The following ADCY6 variants were observed in gnomAD, a reference collection of about 807,000 sequenced individuals.
The protein encoded by ADCY6 is adenylate cyclase 6, also known as adenylate cyclase type 6.
In ADCY6, 59 loss-of-function variants were observed where a neutral mutation model predicts 111.6. The ratio of observed to expected loss-of-function variants is 0.53; its 90% CI spans 0.43 to 0.66. ADCY6 has a LOEUF of 0.66. Among genes scored for constraint, ADCY6 ranks in the 30% least tolerant of loss-of-function variants. The probability of loss-of-function intolerance (pLI) is 0.00; values close to 1 mark genes in which losing one functional copy is unlikely to be tolerated. For synonymous variants in ADCY6, 576 were observed against 642.9 expected (o/e 0.90, Z 1.57); for missense variants, 1,242 against 1,595.6 (o/e 0.78, Z 3.78).
chr12:48,774,474 G>A lies in ADCY6; in HGVS notation c.2211C>T (p.Arg737=). 6.2e-7 allele frequency: 1 copy of A among 1,614,048 alleles called. No homozygotes were observed. The highest frequency in any genetic ancestry group is 1.1e-5 in the South Asian group (1 of 91,078). ...ALQRLSRSIV[R]SRAHSTAVGI... Reference sequence around the variant, plus strand: ...CAACTGCGGTGCTATGTGCCCGTGAGCGGACAATGCTGCGGGACAGACGTT... The same window carrying A: ...CAACTGCGGTGCTATGTGCCCGTGAACGGACAATGCTGCGGGACAGACGTT... The change falls in exon 14 of 22, where the codon CGC becomes CGT. Residue 737 remains arginine (R), a synonymous_variant. Coordinates refer to ENST00000357869, the MANE Select transcript of ADCY6 (RefSeq NM_015270.5).
intron 18 of ADCY6, 112 bp downstream of exon 18, chr12:48,772,183 G>T: frequency 3.4e-6 from 5 of 1,468,812 alleles, no homozygotes; most frequent in Non-Finnish European, 4.5e-6. Flanking sequence ...TGGAACCAGG[G>T]TGGGCCTAGG....
chr12:48,777,398 C>A lies in ADCY6; in HGVS notation c.1248+12G>T, dbSNP rs202241866. On this transcript the variant is annotated intron_variant, in intron 5 of 21. Transcript: ENST00000357869. The surrounding 1 kb of genome is among the most constrained non-coding windows in gnomAD (Gnocchi z 4.9). Reference sequence around the variant, plus strand: ...AACACCCAGGCCCAATCCCAAGGCCCAGCACCCTCACCGCAGCCAGCTTGT... The same window carrying A: ...AACACCCAGGCCCAATCCCAAGGCCAAGCACCCTCACCGCAGCCAGCTTGT... 6.2e-7 allele frequency: 1 copy of A among 1,613,872 alleles called. No homozygotes were observed. Among genetic ancestry groups the A allele is most frequent in the African/African-American group, 1.3e-5 (1 of 75,050 alleles).
In ADCY6 at chr12:48,778,536, C is replaced by T. The variant is rs117201145; in HGVS notation, c.865-279G>A. On this transcript the variant is annotated intron_variant, in intron 2 of 21. Transcript: ENST00000357869. ...AACTAGGGCCAGATAAGTCATGGGG[C>T]CCAGCCCCAGCACCCTGTATCTCCT... is the stretch of plus-strand genomic sequence containing the variant. The T allele has an allele frequency of 0.048, 21,105 of 437,060 alleles. 591 individuals are homozygous for T. Among genetic ancestry groups the T allele is most frequent in the Non-Finnish European group, 0.061 (14,406 of 237,042 alleles). 27.1% of individuals were successfully genotyped at this position (437,060 alleles called of 1,614,324 possible).
Position 48,776,955 on chromosome 12 carries a change from T to C in ADCY6, c.1376+149A>G. 1 of 1,284,266 alleles carries C rather than the reference T, an allele frequency of 7.8e-7. No individual in the cohort carries two copies. Among genetic ancestry groups the C allele is most frequent in the Non-Finnish European group, 1.1e-6 (1 of 939,884 alleles). The allele number at this position is 1,284,266 out of a possible 1,614,324, so 79.6% of individuals were successfully genotyped here. A position where few individuals can be genotyped will look rare whatever the true frequency, so the allele number is the denominator to read the frequency against. On this transcript the variant is annotated intron_variant, in intron 6 of 21. Transcript: ENST00000357869. The surrounding 1 kb of genome is among the most constrained non-coding windows in gnomAD (Gnocchi z 6.1). ...GGGTCCGCATGGGTCTTTGCACAGG[T>C]TGGAGAAAGATTCCCCTTCCCAGTG...
intron 1 of ADCY6, among the ~76,000 whole-genome samples, chr12:48,784,667 T>A (rs1273276345): frequency 8.0e-6 from 1 of 125,140 alleles, no homozygotes; most frequent in Non-Finnish European, 1.7e-5. Flanking sequence ...AATCTGGAGT[T>A]TTTTTTTTTT....
intron 1 of ADCY6, among the ~76,000 whole-genome samples, chr12:48,788,531 C>T (rs946449714): frequency 3.3e-5 from 5 of 152,142 alleles, no homozygotes; most frequent in African/African-American, 9.6e-5. Context: ...CAGGCCGGTT[C>T]CTCTCCCCTA....
rs574902388 is a variant in ADCY6, at chr12:48,783,202, T to G, written c.233A>C (p.Lys78Thr). Residue 78 changes from lysine to threonine, a missense_variant, in exon 2 of 22, where the codon AAG (lysine) becomes ACG (threonine). Physicochemically the swap from Lys to Thr is moderately conservative, Grantham distance 78 (BLOSUM62 -1). This residue lies in a region of ADCY6 where 362 missense variants were observed against 377.2 expected (regional missense o/e 0.96). Transcript: ENST00000357869. ...TGCCCGCAGCCCCAGCTCCTTGCCC[T>G]TGCCTGGGCCGCCCCTCCGGATGAA... ...DAFIRRGGPG[K>T]GKELGLRAVA... 99 of 1,607,128 alleles carry G rather than the reference T, an allele frequency of 6.2e-5. 3 individuals are homozygous for G. In the South Asian group the frequency reaches 1.0e-3, roughly 17 times the overall value.
In ADCY6 at chr12:48,782,051, A is replaced by C. The variant is rs1941857732; in HGVS notation, c.864+520T>G. Among the ~76,000 whole-genome samples, 1 of 151,314 alleles carries C rather than the reference A, an allele frequency of 6.6e-6. No individual in the cohort carries two copies. Among genetic ancestry groups the C allele is most frequent in the African/African-American group, 2.4e-5 (1 of 41,096 alleles). ...GTGGCCTTGGTCCAGGAAAGAGGGG[A>C]CTCCTCTCTTGCTGACAACATCCAA... On this transcript the variant is annotated intron_variant, in intron 2 of 21. Coordinates refer to ENST00000357869, the MANE Select transcript of ADCY6 (RefSeq NM_015270.5). This position sits in a 1 kb window ranked among gnomAD's most constrained non-coding sequence, Gnocchi z 4.3.
rs890344829 is a variant in ADCY6 at position 48,776,682 on chromosome 12, G to A, written c.1377-96C>T. 6.9e-7 allele frequency: 1 copy of A among 1,457,332 alleles called. No homozygotes were observed. The highest frequency in any genetic ancestry group is 1.4e-5 in the African/African-American group (1 of 71,200). 90.3% of individuals were successfully genotyped at this position (1,457,332 alleles called of 1,614,324 possible). A position where few individuals can be genotyped will look rare whatever the true frequency, so the allele number is the denominator to read the frequency against. On this transcript the variant is annotated intron_variant, in intron 6 of 21. Transcript: ENST00000357869. This position sits in a 1 kb window ranked among gnomAD's most constrained non-coding sequence, Gnocchi z 6.1. The stretch of plus-strand genomic sequence containing the variant: ...ACTCCTCTCAGGGCCCAGCGGGCAA[G>A]GACAGACCCAGATGCAGGGGACGGG...
In ADCY6 at chr12:48,773,651, CG is replaced by C. The variant is rs2137348284; in HGVS notation, c.2443-5del. On this transcript the variant is annotated splice_polypyrimidine_tract_variant and splice_region_variant and intron_variant, in intron 15 of 21. Transcript: ENST00000357869. Reference sequence around the variant, plus strand: ...GCAGCATGTTCCCGATGAAGTACTGCGGGGGTGGCAGAGGCAGCGTTGGGTG... The same window carrying C: ...GCAGCATGTTCCCGATGAAGTACTGCGGGGTGGCAGAGGCAGCGTTGGGTG... 2 of 1,613,958 alleles carry C rather than the reference CG, an allele frequency of 1.2e-6. No individual in the cohort carries two copies. The highest frequency in any genetic ancestry group is 4.5e-5 in the East Asian group (2 of 44,888).
intron 21 of ADCY6, 76 bp from the exon 22 acceptor site, chr12:48,768,792 G>C (rs942051104): frequency 1.5e-5 from 23 of 1,579,782 alleles, no homozygotes; most frequent in Non-Finnish European, 1.9e-5. Flanking sequence ...GGGTTCTCTA[G>C]TCAGGCTAGC....
intron 1 of ADCY6, among the ~76,000 whole-genome samples, chr12:48,788,502 G>C (rs1288143735): frequency 2.0e-5 from 3 of 151,916 alleles, no homozygotes; most frequent in African/African-American, 7.3e-5. Flanking sequence ...CGCAGACAGA[G>C]GGCATCCCTC....
rs1286325166 is a variant in ADCY6 at position 48,767,439 on chromosome 12, G to A, written c.*1152C>T. On this transcript the variant is annotated 3_prime_UTR_variant, in exon 22 of 22. Transcript: ENST00000357869. ...AACCCTGCTTTATTCCCAGAAGACA[G>A]AGGCCCACAGGAGAGAGGCAACCTG... 5 of 152,756 alleles carry A rather than the reference G, an allele frequency of 3.3e-5. No homozygotes were observed. The highest frequency in any genetic ancestry group is 1.2e-4 in the African/African-American group (5 of 41,440). The allele number at this position is 152,756 out of a possible 1,614,324, so 9.5% of individuals were successfully genotyped here.
In ADCY6 at chr12:48,782,702, A is replaced by G. The variant is rs1394263225; in HGVS notation, c.733T>C (p.Phe245Leu). ...PSAGLWCPVF[F>L]VYIAYTLLPI... Reference sequence around the variant, plus strand: ...AGGAGCGTGTAGGCGATGTAGACAAAGAACACAGGGCACCAGAGGCCCGCA... The same window carrying G: ...AGGAGCGTGTAGGCGATGTAGACAAGGAACACAGGGCACCAGAGGCCCGCA... Residue 245 changes from phenylalanine (F) to leucine (L), a missense_variant, in exon 2 of 22, where the codon TTT becomes CTT. This residue lies in a region of ADCY6 where 362 missense variants were observed against 377.2 expected (regional missense o/e 0.96). Transcript: ENST00000357869. The surrounding 1 kb of genome is among the most constrained non-coding windows in gnomAD (Gnocchi z 4.3). The G allele has an allele frequency of 1.9e-6, 3 of 1,592,720 alleles. No homozygotes were observed. In the Admixed American group the frequency reaches 5.3e-5, roughly 28 times the overall value.
rs1490085554 is a variant in ADCY6, at chr12:48,767,599, G to C, written c.*992C>G. On this transcript the variant is annotated 3_prime_UTR_variant, in exon 22 of 22. Transcript: ENST00000357869. The stretch of plus-strand genomic sequence containing the variant: ...CCAACACCAGAGACTTGGGAGGGCA[G>C]GTTTGGGATCAGGGTCACCTTTCTC... 1 of 152,684 alleles carries C rather than the reference G, an allele frequency of 6.5e-6. No individual in the cohort carries two copies. Among genetic ancestry groups the C allele is most frequent in the Non-Finnish European group, 1.5e-5 (1 of 68,084 alleles). The allele number at this position is 152,684 out of a possible 1,614,324, so 9.5% of individuals were successfully genotyped here.
chr12:48,781,293 TCA>T (rs915891870), intron 2 of ADCY6, among the ~76,000 whole-genome samples: 3 of 151,914 alleles, frequency 2.0e-5, no homozygotes, highest in Non-Finnish European at 2.9e-5. Context: ...ACCTAGCTTC[TCA>T]CCCTGGGATC....
intron 2 of ADCY6, among the ~76,000 whole-genome samples, chr12:48,781,328 C>A (rs1303853869): frequency 6.6e-6 from 1 of 152,192 alleles, no homozygotes; most frequent in Non-Finnish European, 1.5e-5. Context: ...CCTCTCTGTG[C>A]CTGAGGCAGG....
At chr12:48,779,533 G>C (rs1284073541) in intron 2 of ADCY6, among the ~76,000 whole-genome samples, 2 of 152,078 alleles carry the variant, frequency 1.3e-5, no homozygotes, top group Admixed American at 1.3e-4. Flanking sequence ...ACCATGCCTG[G>C]CCACCCCTCA....
rs150930409 is a variant in ADCY6, at chr12:48,774,723, C to A, written c.2134G>T (p.Val712Leu). The change falls in exon 13 of 22, where the codon GTG becomes TTG. Residue 712 changes from valine to leucine, a missense_variant. Val to Leu is a conservative substitution (Grantham distance 32). Coordinates refer to ENST00000357869, the MANE Select transcript of ADCY6 (RefSeq NM_015270.5). ...ASIFLLLLIT[V>L]LICAVYSCGS... ...CAGGAGTACACAGCACAGATCAGCA[C>A]GGTGATTAGCAGCAGCAGGAAGATG... 4.3e-6 allele frequency: 7 copies of A among 1,613,964 alleles called. No individual in the cohort carries two copies. Among genetic ancestry groups the A allele is most frequent in the Non-Finnish European group, 5.9e-6 (7 of 1,180,004 alleles).
Sources: allele counts gnomAD v4.1 joint callset (sites outside exome capture counted in the v4.1 genomes callset), GRCh38; gene constraint gnomAD v4.1.1; regional missense constraint gnomAD v4.1.1; non-coding constraint Gnocchi (gnomAD v3.1); transcripts MANE v1.5; gene names NCBI Gene and HGNC (gene_info 2026-07-23, HGNC 2026-07-21).